The following GRIK3 variants were observed in gnomAD, a reference collection of about 807,000 sequenced individuals.
The protein encoded by GRIK3 is glutamate ionotropic receptor kainate type subunit 3, also known as glutamate receptor ionotropic, kainate 3.
A neutral mutation model predicts 102.5 loss-of-function variants in GRIK3; 29 were observed. The ratio of observed to expected loss-of-function variants is 0.28; its 90% CI spans 0.21 to 0.39. The LOEUF is 0.39. Ranked by LOEUF, GRIK3 falls within the 10% of genes least tolerant of loss-of-function variation. The pLI, the probability that GRIK3 is intolerant of heterozygous loss-of-function variation, is 1.00. For synonymous variants in GRIK3, 511 were observed against 504.9 expected (o/e 1.01, Z -0.16); for missense variants, 908 against 1,252.4 (o/e 0.73, Z 4.15).
intron 1 of GRIK3, among the ~76,000 whole-genome samples, chr1:36,983,070 A>C (rs1439781062): frequency 1.3e-5 from 2 of 152,114 alleles, no homozygotes; most frequent in African/African-American, 4.8e-5. Context: ...ACACAGCCAC[A>C]CAATCGCACA....
rs948302683 is a variant in GRIK3 at position 36,799,571 on chromosome 1, G to C, written c.*2280C>G. 7 of 152,134 alleles carry C rather than the reference G, an allele frequency of 4.6e-5. No individual in the cohort carries two copies. Among genetic ancestry groups the C allele is most frequent in the Admixed American group, 6.5e-5 (1 of 15,268 alleles). 9.4% of individuals were successfully genotyped at this position (152,134 alleles called of 1,614,324 possible). On this transcript the variant is annotated 3_prime_UTR_variant, in exon 16 of 16. Coordinates refer to ENST00000373091, the MANE Select transcript of GRIK3 (RefSeq NM_000831.4). The stretch of plus-strand genomic sequence containing the variant: ...CGCATATTTGGCTAGCTGCAGGTAA[G>C]ATCCTGATCTCCATCCTATGCCATT...
chr1:37,033,939 T>A, intron 1 of GRIK3, 55 bp downstream of exon 1: 1 of 1,018,544 alleles, frequency 9.8e-7, no homozygotes, highest in Non-Finnish European at 1.5e-6. Context: ...GGAGGCCCCC[T>A]CATTCCCGCC....
At chr1:36,910,870 C>T (rs1641336694) in intron 1 of GRIK3, among the ~76,000 whole-genome samples, 1 of 152,154 alleles carries the variant, frequency 6.6e-6, no homozygotes, top group Non-Finnish European at 1.5e-5. Context: ...TTCAGGAACT[C>T]CTAGCTCAGA....
chr1:36,834,258 G>A (rs748343423), intron 10 of GRIK3, among the ~76,000 whole-genome samples: 15 of 152,122 alleles, frequency 9.9e-5, no homozygotes, highest in Non-Finnish European at 1.3e-4. Flanking sequence ...GGGAGCACTG[G>A]AGGTTTAAAA....
At chr1:36,809,858 A>G (rs1642543592) in intron 13 of GRIK3, among the ~76,000 whole-genome samples, 1 of 152,218 alleles carries the variant, frequency 6.6e-6, no homozygotes, top group Admixed American at 6.5e-5. Context: ...ATGCAAGGTG[A>G]AAACAAGGCA....
intron 1 of GRIK3, among the ~76,000 whole-genome samples, chr1:36,984,358 C>T (rs1642282291): frequency 6.6e-6 from 1 of 152,248 alleles, no homozygotes; most frequent in African/African-American, 2.4e-5. Context: ...TCATCCCACA[C>T]TTGTGAGGAC....
In GRIK3 at chr1:36,910,701, C is replaced by T. The variant is rs12130574; in HGVS notation, c.116-19605G>A. ...AATGTCCTGGGAGAGGAAAGGGAGA[C>T]GAGGGATGTGTGTCCCCCTTCTTGT... On this transcript the variant is annotated intron_variant, in intron 1 of 15. Transcript: ENST00000373091. Among the ~76,000 whole-genome samples the T allele has an allele frequency of 6.2e-3, 951 of 152,306 alleles. 9 individuals carry two copies. Among genetic ancestry groups the T allele is most frequent in the South Asian group, 0.023 (110 of 4,818 alleles).
intron 1 of GRIK3, among the ~76,000 whole-genome samples, chr1:36,949,574 C>CTTTTTTTTTTTTTTTTTTTTTTT (rs60157852): frequency 2.0e-5 from 2 of 99,668 alleles, no homozygotes; most frequent in African/African-American, 7.9e-5. Context: ...CTCTCTCTTT[C>CTTTTTTTTTTTTTTTTTTTTTTT]TTTTTTTTTT....
intron 1 of GRIK3, among the ~76,000 whole-genome samples, chr1:36,937,682 A>G (rs1380040329): frequency 2.6e-5 from 4 of 152,014 alleles, no homozygotes. Flanking sequence ...AATAAGTAAG[A>G]CTCAAAAGAA....
intron 1 of GRIK3, among the ~76,000 whole-genome samples, chr1:36,951,176 G>A (rs1344262213): frequency 6.6e-6 from 1 of 152,244 alleles, no homozygotes; most frequent in Non-Finnish European, 1.5e-5. Context: ...ACAGCAGGGG[G>A]CTGGACATTA....
chr1:36,938,581 C>G (rs1557432529), intron 1 of GRIK3, among the ~76,000 whole-genome samples: 1 of 152,140 alleles, frequency 6.6e-6, no homozygotes, highest in Admixed American at 6.5e-5. Flanking sequence ...AAAGCCCCCA[C>G]TTATGTCAGT....
At chr1:36,846,858 T>G (rs892610201) in intron 9 of GRIK3, among the ~76,000 whole-genome samples, 1 of 152,182 alleles carries the variant, frequency 6.6e-6, no homozygotes, top group Non-Finnish European at 1.5e-5. Context: ...GCATCTCTCC[T>G]CAGGAGACTC....
At position 36,961,166 on chromosome 1, in the gene GRIK3, C is replaced by T. The variant is rs572491985; in HGVS notation, c.116-70070G>A. ...GAGGTAGGCTCCATGCAACACACTG[C>T]GTGCACACACGTGCCCACCTGTGCA... On this transcript the variant is annotated intron_variant, in intron 1 of 15. Transcript: ENST00000373091. Among the ~76,000 whole-genome samples, 12 of 152,350 alleles carry T rather than the reference C, an allele frequency of 7.9e-5. No individual in the cohort carries two copies. The South Asian group carries it at 1.0e-3, about 13-fold the overall frequency.
Position 36,801,573 on chromosome 1 carries a change from G to A in GRIK3, c.*278C>T, listed in dbSNP as rs945481279. The A allele has an allele frequency of 1.2e-5, 4 of 330,846 alleles. No individual in the cohort carries two copies. The Admixed American group carries it at 1.4e-4, about 11-fold the overall frequency. The allele number at this position is 330,846 out of a possible 1,614,324, so 20.5% of individuals were successfully genotyped here. On this transcript the variant is annotated 3_prime_UTR_variant, in exon 16 of 16. Transcript: ENST00000373091. The stretch of plus-strand genomic sequence containing the variant: ...ACTCTGGAGGAGAGTTGAGGGGCAG[G>A]TGAGTTTGGCCTGAGAGAGGCATGT...
intron 1 of GRIK3, among the ~76,000 whole-genome samples, chr1:37,033,682 A>G (rs1054018664): frequency 6.6e-6 from 1 of 151,920 alleles, no homozygotes; most frequent in East Asian, 1.9e-4. Context: ...TCATGCTGGC[A>G]GTCACCGCGA....
At position 36,890,379 on chromosome 1, in the gene GRIK3, G is replaced by A. The variant is rs541067373; in HGVS notation, c.292+541C>T. Among the ~76,000 whole-genome samples the A allele has an allele frequency of 3.0e-4, 45 of 152,042 alleles. No individual in the cohort carries two copies. The East Asian group carries it at 7.8e-3, about 26-fold the overall frequency. ...CTCAGGAGGCGGAGAGAGGAGAATTGCTTGAACCTGGGAGGCGGAGGGTGC... is the reference window on the plus strand; with the variant it reads ...CTCAGGAGGCGGAGAGAGGAGAATTACTTGAACCTGGGAGGCGGAGGGTGC... On this transcript the variant is annotated intron_variant, in intron 2 of 15. Coordinates refer to ENST00000373091, the MANE Select transcript of GRIK3 (RefSeq NM_000831.4).
At chr1:36,928,460 T>C (rs1034640570) in intron 1 of GRIK3, among the ~76,000 whole-genome samples, 1 of 152,092 alleles carries the variant, frequency 6.6e-6, no homozygotes, top group Non-Finnish European at 1.5e-5. Context: ...GGCAAGTGTT[T>C]GGGGTGGGGG....
intron 5 of GRIK3, among the ~76,000 whole-genome samples, chr1:36,865,434 A>G (rs1640772692): frequency 6.6e-6 from 1 of 152,212 alleles, no homozygotes. Context: ...ATAAGCCACA[A>G]CTGACCAATG....
intron 1 of GRIK3, among the ~76,000 whole-genome samples, chr1:36,924,496 G>A (rs956908499): frequency 6.6e-6 from 1 of 152,150 alleles, no homozygotes; most frequent in Non-Finnish European, 1.5e-5. Context: ...GGAGAGGGGA[G>A]GGGGAGTGGG....
Sources: gnomAD v4.1 joint callset for allele counts (sites outside exome capture counted in the v4.1 genomes callset) on GRCh38, gnomAD v4.1.1 for gene constraint, MANE v1.5 for transcripts, NCBI Gene and HGNC (gene_info 2026-07-23, HGNC 2026-07-21) for gene names.